NEB: variants seen among roughly 807,000 people sequenced by gnomAD.
NEB encodes nebulin.
NEB carries 512 observed loss-of-function variants against 952.2 expected under a neutral mutation model. The observed-to-expected ratio is 0.54, with a 90% CI of 0.50 to 0.58. The LOEUF is 0.58. Ranked by LOEUF, NEB falls within the 20% of genes least tolerant of loss-of-function variation. The probability of loss-of-function intolerance (pLI) is 0.00; values close to 1 mark genes in which losing one functional copy is unlikely to be tolerated. For synonymous variants in NEB, 2,900 were observed against 3,149.8 expected (o/e 0.92, Z 2.66); for missense variants, 8,428 against 9,231.1 (o/e 0.91, Z 3.56).
At chr2:151,692,215 A>G (rs895236202) in intron 21 of NEB, 46 bp downstream of exon 21, 4 of 1,607,764 alleles carry the variant, frequency 2.5e-6, no homozygotes, top group Admixed American at 1.7e-5. Context: ...TTTGTCAAAC[A>G]GTAGGAAAGC....
chr2:151,578,293 C>G (rs894040842), intron 105 of NEB, among the ~76,000 whole-genome samples: 1 of 145,250 alleles, frequency 6.9e-6, no homozygotes, highest in African/African-American at 2.4e-5. Context: ...TAAAAGGAAA[C>G]AAGTGGTCTG....
chr2:151,512,886 CA>C, intron 160 of NEB, 49 bp from the exon 161 acceptor site: 1 of 1,283,584 alleles, frequency 7.8e-7, no homozygotes, highest in Non-Finnish European at 1.1e-6. Flanking sequence ...ATGTGCACAA[CA>C]GTTGTTGGCT....
At chr2:151,640,849 T>C (rs1052207537) in intron 60 of NEB, among the ~76,000 whole-genome samples, 183 bp from the exon 61 acceptor site, 11 of 151,910 alleles carry the variant, frequency 7.2e-5, no homozygotes, top group African/African-American at 2.7e-4. Context: ...ATATATATCT[T>C]ATATAAAATA....
chr2:151,706,129 T>C (rs1047828172), intron 13 of NEB, among the ~76,000 whole-genome samples: 3 of 152,176 alleles, frequency 2.0e-5, no homozygotes, highest in Non-Finnish European at 4.4e-5. Context: ...CAGAGCTATT[T>C]GGGCAGATCC....
Position 151,709,709 on chromosome 2 carries a change from T to A in NEB, c.982A>T (p.Thr328Ser). ...TTCATTTTATACTCTGGTGTTTCGG[T>A]CTGCATGAAGTAGATCTGGTCTTTC... The part of the protein sequence containing the change: ...NMKDQIYFMQ[T>S]ETPEYKMNKK... Residue 328 changes from threonine to serine, a missense_variant, in exon 12 of 182, where the codon ACC becomes TCC. Thr to Ser is a moderately conservative substitution (Grantham distance 58). This residue lies in a region of NEB where 2,851 missense variants were observed against 2,791.5 expected (regional missense o/e 1.02). Transcript: ENST00000397345. 1 of 1,606,658 alleles carries A rather than the reference T, an allele frequency of 6.2e-7. No individual in the cohort carries two copies. The highest frequency in any genetic ancestry group is 1.1e-5 in the South Asian group (1 of 89,400).
intron 8 of NEB, 68 bp downstream of exon 8, chr2:151,724,191 CA>C: frequency 8.5e-7 from 1 of 1,182,020 alleles, no homozygotes; most frequent in South Asian, 1.3e-5. Context: ...AAGAGTTCAC[CA>C]AGTATTACAT....
At chr2:151,544,997 G>C (rs1400841744) in intron 135 of NEB, among the ~76,000 whole-genome samples, 3 of 152,222 alleles carry the variant, frequency 2.0e-5, no homozygotes, top group African/African-American at 7.2e-5. Context: ...TTATGGCCAA[G>C]GCACTATGGG....
chr2:151,730,651 T>TTTTTC (rs1259954319), intron 3 of NEB, among the ~76,000 whole-genome samples: 23 of 150,104 alleles, frequency 1.5e-4, no homozygotes, highest in Admixed American at 8.6e-4. Context: ...TGTAAAACAC[T>TTTTTC]TTATGCTTCC....
intron 48 of NEB, among the ~76,000 whole-genome samples, chr2:151,657,378 G>A (rs1558906339): frequency 6.6e-6 from 1 of 152,142 alleles, no homozygotes; most frequent in Non-Finnish European, 1.5e-5. Flanking sequence ...ACAACCAAAT[G>A]AAAGAATTGA....
intron 38 of NEB, among the ~76,000 whole-genome samples, chr2:151,670,793 C>A (rs1007857444): frequency 6.6e-6 from 1 of 152,202 alleles, no homozygotes; most frequent in African/African-American, 2.4e-5. Flanking sequence ...AGGCTCTCTA[C>A]ATTTGGAAAA....
At chr2:151,608,905 C>CAAAAAAAAAA (rs1163520121) in intron 81 of NEB, among the ~76,000 whole-genome samples, 3 of 34,430 alleles carry the variant, frequency 8.7e-5, no homozygotes, top group African/African-American at 3.8e-4. Flanking sequence ...CTCCGTCTCA[C>CAAAAAAAAAA]AAAAAAAAAA....
At chr2:151,524,149 C>T (rs779856481) in intron 153 of NEB, among the ~76,000 whole-genome samples, 162 bp downstream of exon 153, 11 of 152,184 alleles carry the variant, frequency 7.2e-5, no homozygotes, top group East Asian at 3.8e-4. Context: ...TAGAGGGAAA[C>T]GAGAAAAGGC....
At chr2:151,513,760 G>T in intron 159 of NEB, 67 bp from the exon 160 acceptor site, 1 of 1,115,274 alleles carries the variant, frequency 9.0e-7, no homozygotes, top group Non-Finnish European at 1.3e-6. Flanking sequence ...AACATACAGG[G>T]TGAATGTAAA....
At chr2:151,664,717 T>C (rs753525909) in intron 43 of NEB, 42 bp downstream of exon 43, 3 of 1,553,420 alleles carry the variant, frequency 1.9e-6, no homozygotes, top group Non-Finnish European at 2.6e-6. Flanking sequence ...ATCAGTTCCC[T>C]TTAACCTTCT....
chr2:151,621,283 T>C lies in NEB; in HGVS notation c.10453-257A>G, dbSNP rs557865820. ...ACACGTTATACATTAAATGAACACC[T>C]CTTAATGTGTTTAGATTGTTCACCA... On this transcript the variant is annotated intron_variant, in intron 71 of 181. Transcript: ENST00000397345. 2.6e-5 allele frequency among the ~76,000 whole-genome samples: 4 copies of C among 152,326 alleles called. 1 individual carries two copies. The East Asian group carries it at 7.7e-4, about 29-fold the overall frequency.
chr2:151,724,208 A>G, intron 8 of NEB, 52 bp downstream of exon 8: 2 of 1,336,056 alleles, frequency 1.5e-6, no homozygotes, highest in Middle Eastern at 3.6e-4. Flanking sequence ...TACATGAAAT[A>G]TATGATGGGA....
intron 46 of NEB, 123 bp downstream of exon 46, chr2:151,662,012 C>A: frequency 1.4e-6 from 1 of 717,040 alleles, no homozygotes; most frequent in Non-Finnish European, 2.1e-6. Context: ...GACTCTTTTT[C>A]TAGGTAAAAT....
chr2:151,640,693 A>C, intron 60 of NEB, 27 bp from the exon 61 acceptor site: 2 of 1,594,530 alleles, frequency 1.3e-6, no homozygotes, highest in Non-Finnish European at 1.7e-6. Flanking sequence ...ACAGATAGTC[A>C]TCTGTTTTAA....
intron 46 of NEB, 68 bp downstream of exon 46, chr2:151,662,067 G>GTATA: frequency 7.2e-7 from 1 of 1,389,992 alleles, no homozygotes; most frequent in Admixed American, 2.0e-5. Flanking sequence ...AAAACCTGTG[G>GTATA]ATTAAATGTA....
Sources: allele counts gnomAD v4.1 joint callset (sites outside exome capture counted in the v4.1 genomes callset), GRCh38; gene constraint gnomAD v4.1.1; regional missense constraint gnomAD v4.1.1; transcripts MANE v1.5; gene names NCBI Gene and HGNC (gene_info 2026-07-23, HGNC 2026-07-21).